The following PSD variants were observed in gnomAD, a reference collection of about 807,000 sequenced individuals.
PSD encodes PH and SEC7 domain-containing protein 1.
A neutral mutation model predicts 91.6 loss-of-function variants in PSD; 32 were observed. The observed-to-expected ratio is 0.35, with a 90% confidence interval of 0.26 to 0.47. The LOEUF (loss-of-function observed/expected upper bound fraction) is 0.47. PSD is among the 20% of genes least tolerant of loss of function. The pLI, the probability that PSD is intolerant of heterozygous loss-of-function variation, is 1.00. For missense variants in PSD, 1,099 were observed against 1,373.9 expected (o/e 0.80, Z 3.16); for synonymous variants, 532 against 569.3 (o/e 0.93, Z 0.93).
rs2061479297 is a variant in PSD, at chr10:102,416,261, G to C, written c.654+124C>G. ...ACACAGAGACAAACACAGAGGGCAA[G>C]AGAGAGGCAGATTTAGAACAGATTA... On this transcript the variant is annotated intron_variant, in intron 2 of 16. Transcript: ENST00000020673. This position sits in a 1 kb window ranked among gnomAD's most constrained non-coding sequence, Gnocchi z 6.0. The C allele has an allele frequency of 4.4e-5, 57 of 1,291,224 alleles. No individual in the cohort carries two copies. The South Asian group carries it at 7.1e-4, about 16-fold the overall frequency. 80.0% of individuals were successfully genotyped at this position (1,291,224 alleles called of 1,614,324 possible). A position where few individuals can be genotyped will look rare whatever the true frequency, so the allele number is the denominator to read the frequency against.
In PSD at chr10:102,403,792, C is replaced by T; in HGVS notation, c.2844+50G>A. 1.1e-5 allele frequency: 18 copies of T among 1,575,244 alleles called. No homozygotes were observed. The highest frequency in any genetic ancestry group is 1.6e-5 in the Non-Finnish European group (18 of 1,157,266). On this transcript the variant is annotated intron_variant, in intron 16 of 16. Coordinates refer to ENST00000020673, the MANE Select transcript of PSD (RefSeq NM_002779.5). The surrounding 1 kb of genome is among the most constrained non-coding windows in gnomAD (Gnocchi z 6.7). ...CACTGTTAGAGTTCATGCCCTTCAC[C>T]CTAGTATGGGCCTGCGTGTGTGGAC...
Position 102,412,407 on chromosome 10 carries a change from G to A in PSD, c.1722C>T (p.Ala574=), listed in dbSNP as rs755131537. The A allele has an allele frequency of 3.2e-5, 52 of 1,613,862 alleles. No homozygotes were observed. The highest frequency in any genetic ancestry group is 3.9e-5 in the Non-Finnish European group (46 of 1,179,876). The change falls in exon 6 of 17, where the codon GCC becomes GCT. Residue 574 remains alanine (A), a synonymous_variant. Coordinates refer to ENST00000020673, the MANE Select transcript of PSD (RefSeq NM_002779.5). ...RLYRLDGFRK[A]DVARHLGKNN... ...TCTTGCCCAGGTGCCGGGCCACATC[G>A]GCCTTCCTGAAGCCATCTAGTCGGT...
chr10:102,403,281 G>A lies in PSD; in HGVS notation c.2994C>T (p.Pro998=). Reference sequence around the variant, plus strand: ...GAGCCCGGGGCTGGCTGGAGGGTTTGGGCTGCAGGGAGGGACTGGAGTGAG... The same window carrying A: ...GAGCCCGGGGCTGGCTGGAGGGTTTAGGCTGCAGGGAGGGACTGGAGTGAG... ...PPSHSSPSLQ[P]KPSSQPRAQR... Residue 998 remains proline (P), a synonymous_variant, in exon 17 of 17, where the codon CCC becomes CCT. Transcript: ENST00000020673. The surrounding 1 kb of genome is among the most constrained non-coding windows in gnomAD (Gnocchi z 6.7). 1 of 1,613,394 alleles carries A rather than the reference G, an allele frequency of 6.2e-7. No individual in the cohort carries two copies. Among genetic ancestry groups the A allele is most frequent in the Non-Finnish European group, 8.5e-7 (1 of 1,179,614 alleles).
intron 8 of PSD, 45 bp from the exon 9 acceptor site, chr10:102,411,161 C>T (rs2061421009): frequency 1.3e-6 from 2 of 1,548,406 alleles, no homozygotes; most frequent in East Asian, 2.3e-5. Flanking sequence ...CCCAGGGACC[C>T]TTCCCACAGC....
At position 102,410,812 on chromosome 10, in the gene PSD, C is replaced by T. The variant is rs1207056764; in HGVS notation, c.2091+46G>A. 2 of 1,455,976 alleles carry T rather than the reference C, an allele frequency of 1.4e-6. No homozygotes were observed. The highest frequency in any genetic ancestry group is 9.6e-7 in the Non-Finnish European group (1 of 1,037,524). The allele number at this position is 1,455,976 out of a possible 1,614,324, so 90.2% of individuals were successfully genotyped here. On this transcript the variant is annotated intron_variant, in intron 10 of 16. Transcript: ENST00000020673. This position sits in a 1 kb window ranked among gnomAD's most constrained non-coding sequence, Gnocchi z 6.0. The stretch of plus-strand genomic sequence containing the variant: ...TCTGGACTCCGTCGCCGACTGGGTC[C>T]TCCATCCTTCCCCTCCAGCGACTTC...
rs755935580 is a variant in PSD, at chr10:102,403,304, G to C, written c.2971C>G (p.His991Asp). ...TTGGGCTGCAGGGAGGGACTGGAGTGAGAAGGAGGGAGTCCATCCTCTGTG... is the reference window on the plus strand; with the variant it reads ...TTGGGCTGCAGGGAGGGACTGGAGTCAGAAGGAGGGAGTCCATCCTCTGTG... ...GSTEDGLPPS[H>D]SSPSLQPKPS... Residue 991 changes from histidine (H) to aspartate (D), a missense_variant, in exon 17 of 17, where the codon CAC (histidine) becomes GAC (aspartate). His to Asp is a moderately conservative substitution (Grantham distance 81). This residue lies in a region of PSD where 358 missense variants were observed against 426.5 expected (regional missense o/e 0.84). Transcript: ENST00000020673. This position sits in a 1 kb window ranked among gnomAD's most constrained non-coding sequence, Gnocchi z 6.7. The C allele has an allele frequency of 6.2e-7, 1 of 1,614,068 alleles. No homozygotes were observed.
At position 102,414,016 on chromosome 10, in the gene PSD, G is replaced by C; in HGVS notation, c.1306C>G (p.Gln436Glu). The change falls in exon 5 of 17, where the codon CAG becomes GAG. Residue 436 changes from glutamine (Q) to glutamate (E), a missense_variant. Gln to Glu is a conservative substitution (Grantham distance 29). This residue lies in a region of PSD where 631 missense variants were observed against 728.8 expected (regional missense o/e 0.87). Coordinates refer to ENST00000020673, the MANE Select transcript of PSD (RefSeq NM_002779.5). The surrounding 1 kb of genome is among the most constrained non-coding windows in gnomAD (Gnocchi z 5.6). ...AGCTCAAAGGTGAAGAAGGGGCTCT[G>C]GGTTGGGCCAGGTGAGGCCAAGGCC... ...LEALASPGPTQSPFFTFELPP... is the reference protein window; with the variant it reads ...LEALASPGPTESPFFTFELPP... The C allele has an allele frequency of 6.2e-7, 1 of 1,614,022 alleles. No homozygotes were observed. Among genetic ancestry groups the C allele is most frequent in the South Asian group, 1.1e-5 (1 of 91,092 alleles).
At chr10:102,413,338 A>C (rs2061442835) in intron 5 of PSD, among the ~76,000 whole-genome samples, 1 of 152,162 alleles carries the variant, frequency 6.6e-6, no homozygotes, top group African/African-American at 2.4e-5. Flanking sequence ...GAGCTGGACG[A>C]GAGATGCCTG....
intron 10 of PSD, chr10:102,408,851 G>A (rs2061393305): frequency 5.1e-6 from 5 of 984,134 alleles, no homozygotes; most frequent in Middle Eastern, 8.2e-4. Context: ...CGCCCCCTCG[G>A]TCGCCCCGCA....
intron 1 of PSD, 64 bp from the exon 2 acceptor site, chr10:102,417,185 G>C (rs1379102304): frequency 3.4e-6 from 2 of 590,656 alleles, no homozygotes; most frequent in Non-Finnish European, 6.0e-6. Context: ...GGACAGCAGA[G>C]ATAGGGAAGG....
intron 1 of PSD, among the ~76,000 whole-genome samples, chr10:102,417,784 C>G (rs965962691): frequency 2.7e-5 from 4 of 150,352 alleles, no homozygotes; most frequent in Non-Finnish European, 2.9e-5. Flanking sequence ...TCTCAGCTCA[C>G]TGCAACCTCC....
At position 102,403,424 on chromosome 10, in the gene PSD, G is replaced by C; in HGVS notation, c.2851C>G (p.Arg951Gly). Residue 951 changes from arginine (R) to glycine (G), a missense_variant, in exon 17 of 17, where the codon CGC (arginine) becomes GGC (glycine). Arg to Gly is a moderately radical substitution (Grantham distance 125). Around this residue, in one of 3 missense-constraint regions of PSD, gnomAD observed 358 missense variants for 426.5 expected, o/e 0.84. Transcript: ENST00000020673. The surrounding 1 kb of genome is among the most constrained non-coding windows in gnomAD (Gnocchi z 6.7). ...KEAYLEFEKS[R>G]YSTYAALLRV... ...AGCAGCGCTGCATAGGTGCTGTAGC[G>C]GGATTTCTGAGGCAGAGGGGCAGGG... 1 of 1,607,078 alleles carries C rather than the reference G, an allele frequency of 6.2e-7. No individual in the cohort carries two copies. Among genetic ancestry groups the C allele is most frequent in the Non-Finnish European group, 8.5e-7 (1 of 1,177,458 alleles).
At position 102,412,583 on chromosome 10, in the gene PSD, G is replaced by T; in HGVS notation, c.1554-8C>A. 6.2e-7 allele frequency: 1 copy of T among 1,605,648 alleles called. No individual in the cohort carries two copies. The highest frequency in any genetic ancestry group is 8.5e-7 in the Non-Finnish European group (1 of 1,174,772). ...TGGCTCAGGGGTGGTTCGCTGCCGG[G>T]GTAGAACACCAGCTCAGGCTGGGGC... On this transcript the variant is annotated splice_region_variant and splice_polypyrimidine_tract_variant and intron_variant, in intron 5 of 16. Transcript: ENST00000020673.
At chr10:102,406,613 T>C (rs541662271) in intron 11 of PSD, among the ~76,000 whole-genome samples, 2 of 151,850 alleles carry the variant, frequency 1.3e-5, no homozygotes, top group African/African-American at 2.4e-5. Context: ...GTTCACAGCA[T>C]TCTCCTGCCT....
At chr10:102,417,343 C>T (rs1322310129) in intron 1 of PSD, among the ~76,000 whole-genome samples, 20 of 152,086 alleles carry the variant, frequency 1.3e-4, no homozygotes, top group Non-Finnish European at 1.5e-5. Context: ...TTTCCTTCTG[C>T]CTGAGGCCCT....
chr10:102,416,172 G>A lies in PSD; in HGVS notation c.655-53C>T, dbSNP rs2061478319. The A allele has an allele frequency of 1.4e-6, 2 of 1,405,328 alleles. No individual in the cohort carries two copies. The highest frequency in any genetic ancestry group is 1.9e-5 in the Admixed American group (1 of 53,448). 87.1% of individuals were successfully genotyped at this position (1,405,328 alleles called of 1,614,324 possible). ...CCAGAGATAAAGCCAGACATACAAGGACACAAGAATATGGGACAGAAACAG... is the reference window on the plus strand; with the variant it reads ...CCAGAGATAAAGCCAGACATACAAGAACACAAGAATATGGGACAGAAACAG... On this transcript the variant is annotated intron_variant, in intron 2 of 16. Transcript: ENST00000020673. The surrounding 1 kb of genome is among the most constrained non-coding windows in gnomAD (Gnocchi z 6.0).
In PSD at chr10:102,412,551, C is replaced by G. The variant is rs772015476; in HGVS notation, c.1578G>C (p.Val526=). ...TGTCCAGCTCTGAGTCTGAGTCGGA[C>G]ACCAGCTGGCTCAGGGGTGGTTCGC... is the stretch of plus-strand genomic sequence containing the variant. ...LGSEPPLSQL[V]SDSDSELDST... is the part of the protein sequence containing the mutation. The change falls in exon 6 of 17, where the codon GTG becomes GTC. Residue 526 remains valine, a synonymous_variant. Transcript: ENST00000020673. 9 of 1,613,244 alleles carry G rather than the reference C, an allele frequency of 5.6e-6. No homozygotes were observed. The highest frequency in any genetic ancestry group is 7.6e-6 in the Non-Finnish European group (9 of 1,179,556).
rs772129250 is a variant in PSD at position 102,405,668 on chromosome 10, A to G, written c.2136-132T>C. The G allele has an allele frequency of 2.6e-5, 21 of 802,530 alleles. No homozygotes were observed. Among genetic ancestry groups the G allele is most frequent in the Admixed American group, 5.6e-5 (2 of 35,854 alleles). 49.7% of individuals were successfully genotyped at this position (802,530 alleles called of 1,614,324 possible). On this transcript the variant is annotated intron_variant, in intron 11 of 16. Coordinates refer to ENST00000020673, the MANE Select transcript of PSD (RefSeq NM_002779.5). The surrounding 1 kb of genome is among the most constrained non-coding windows in gnomAD (Gnocchi z 5.4). Reference sequence around the variant, plus strand: ...GGGGGCTCAACCTGAGGGTCCTGCCATGTCTCCCGTCTCAGATCAGGCCTC... The same window carrying G: ...GGGGGCTCAACCTGAGGGTCCTGCCGTGTCTCCCGTCTCAGATCAGGCCTC...
At chr10:102,409,000 C>A (rs1589886176) in intron 10 of PSD, 2 of 987,238 alleles carry the variant, frequency 2.0e-6, no homozygotes, top group African/African-American at 1.7e-5. Context: ...ACAGGGTCTC[C>A]GCGCCGCGGT....
Sources: allele counts gnomAD v4.1 joint callset (sites outside exome capture counted in the v4.1 genomes callset), GRCh38; gene constraint gnomAD v4.1.1; regional missense constraint gnomAD v4.1.1; non-coding constraint Gnocchi (gnomAD v3.1); transcripts MANE v1.5; gene names NCBI Gene and HGNC (gene_info 2026-07-23, HGNC 2026-07-21).